UTRN: variants seen among roughly 807,000 people sequenced by gnomAD.
UTRN encodes utrophin.
A neutral mutation model predicts 463.9 loss-of-function variants in UTRN; 283 were observed. The observed-to-expected ratio is 0.61, with a 90% CI of 0.55 to 0.67. UTRN has a LOEUF of 0.67. UTRN is among the 30% of genes least tolerant of loss of function. The pLI is 0.00. For synonymous variants in UTRN, 1,442 were observed against 1,431.5 expected, an observed-to-expected ratio of 1.01 and a Z score of -0.17; for missense variants, 3,922 against 4,084.3, an observed-to-expected ratio of 0.96 and a Z score of 1.08.
chr6:144,335,293 G>A (rs1169094619), intron 2 of UTRN, among the ~76,000 whole-genome samples: 1 of 152,178 alleles, frequency 6.6e-6, no homozygotes, highest in Non-Finnish European at 1.5e-5. Context: ...CTTTGTTCTT[G>A]TCTTATTTCT....
At chr6:144,710,199 C>T (rs2128703189) in intron 53 of UTRN, among the ~76,000 whole-genome samples, 1 of 152,302 alleles carries the variant, frequency 6.6e-6, no homozygotes, top group Non-Finnish European at 1.5e-5. Flanking sequence ...TGCTTTAAAG[C>T]ATCTCCTATG....
chr6:144,359,980 G>T (rs1778902197), intron 2 of UTRN, among the ~76,000 whole-genome samples: 1 of 151,676 alleles, frequency 6.6e-6, no homozygotes, highest in South Asian at 2.1e-4. Context: ...TCCTGTAACA[G>T]AAATGATTGC....
intron 7 of UTRN, among the ~76,000 whole-genome samples, chr6:144,427,686 G>A (rs537642345): frequency 1.1e-4 from 17 of 152,218 alleles, no homozygotes; most frequent in African/African-American, 4.1e-4. Flanking sequence ...GTTAAAGGAG[G>A]TTGCCCTAGG....
chr6:144,550,212 G>A (rs1203888608), intron 47 of UTRN, among the ~76,000 whole-genome samples: 4 of 152,148 alleles, frequency 2.6e-5, no homozygotes, highest in Non-Finnish European at 5.9e-5. Flanking sequence ...ATGTGCCCTG[G>A]GATTTAGGAT....
At chr6:144,287,564 T>C (rs1170947873) in intron 1 of UTRN, among the ~76,000 whole-genome samples, 5 of 152,254 alleles carry the variant, frequency 3.3e-5, no homozygotes, top group African/African-American at 1.2e-4. Flanking sequence ...ATATGTGCTA[T>C]ATACATAAAA....
intron 2 of UTRN, among the ~76,000 whole-genome samples, chr6:144,326,407 G>A (rs1032987484): frequency 2.0e-5 from 3 of 152,088 alleles, no homozygotes; most frequent in African/African-American, 7.2e-5. Context: ...GGCCTGAGAA[G>A]CTTCATGGCT....
At chr6:144,473,613 C>A in intron 23 of UTRN, 107 bp from the exon 24 acceptor site, 1 of 646,264 alleles carries the variant, frequency 1.5e-6, no homozygotes, top group Non-Finnish European at 2.6e-6. Flanking sequence ...GAAAGCGATG[C>A]TATCGGAGCT....
At chr6:144,786,082 A>G (rs887789074) in intron 61 of UTRN, among the ~76,000 whole-genome samples, 2 of 152,186 alleles carry the variant, frequency 1.3e-5, no homozygotes, top group Non-Finnish European at 2.9e-5. Context: ...AGAGTTGCCT[A>G]TGAAAACTAT....
At chr6:144,522,843 G>A (rs1036829432) in intron 40 of UTRN, among the ~76,000 whole-genome samples, 173 bp from the exon 41 acceptor site, 8 of 150,596 alleles carry the variant, frequency 5.3e-5, no homozygotes, top group Middle Eastern at 6.9e-3. Context: ...ACACACTTTG[G>A]TTAAAACAGA....
intron 51 of UTRN, among the ~76,000 whole-genome samples, chr6:144,620,520 T>C (rs1383880897): frequency 1.3e-5 from 2 of 152,176 alleles, no homozygotes; most frequent in African/African-American, 2.4e-5. Context: ...GTTAAATTTC[T>C]GCCATCACTG....
chr6:144,689,165 C>T (rs889925698), intron 52 of UTRN, among the ~76,000 whole-genome samples: 2 of 152,144 alleles, frequency 1.3e-5, no homozygotes, highest in South Asian at 4.1e-4. Flanking sequence ...TAAGCCTGAA[C>T]CTGGAAGGTA....
chr6:144,545,162 C>T (rs1798290996), intron 46 of UTRN, among the ~76,000 whole-genome samples: 1 of 152,122 alleles, frequency 6.6e-6, no homozygotes, highest in South Asian at 2.1e-4. Flanking sequence ...TGTTCCATTC[C>T]ACCTACTTCC....
intron 3 of UTRN, among the ~76,000 whole-genome samples, chr6:144,404,941 A>G (rs979001524): frequency 1.3e-5 from 2 of 152,178 alleles, no homozygotes; most frequent in African/African-American, 4.8e-5. Context: ...TATAATGTCT[A>G]TTATTTTGCA....
intron 43 of UTRN, among the ~76,000 whole-genome samples, chr6:144,533,503 T>A (rs1797249251): frequency 6.6e-6 from 1 of 152,138 alleles, no homozygotes; most frequent in East Asian, 1.9e-4. Context: ...TATTTACAAC[T>A]GCTTATTATG....
chr6:144,566,831 GA>G (rs1434650688), intron 50 of UTRN, among the ~76,000 whole-genome samples: 2 of 152,102 alleles, frequency 1.3e-5, no homozygotes, highest in Non-Finnish European at 2.9e-5. Flanking sequence ...GGATCTGAGA[GA>G]AAAAGGAAAA....
At chr6:144,335,752 A>T (rs1776670275) in intron 2 of UTRN, among the ~76,000 whole-genome samples, 1 of 152,098 alleles carries the variant, frequency 6.6e-6, no homozygotes, top group South Asian at 2.1e-4. Flanking sequence ...TTGTGACTTG[A>T]ATTCTCTAGT....
Position 144,514,649 on chromosome 6 carries a change from G to A in UTRN, c.5074-1G>A, listed in dbSNP as rs769007656. 4.3e-6 allele frequency: 7 copies of A among 1,611,664 alleles called. No homozygotes were observed. Among genetic ancestry groups the A allele is most frequent in the Non-Finnish European group, 5.9e-6 (7 of 1,179,392 alleles). ...ATAATTTTGTGTTTTCTTATAATTA[G>A]CGTTTAGTATCTGAGCTGGATGATG... On this transcript the variant is annotated splice_acceptor_variant, in intron 36 of 74. Coordinates refer to ENST00000367545, the MANE Select transcript of UTRN (RefSeq NM_007124.3). LOFTEE classifies it high-confidence loss of function.
At chr6:144,303,988 G>A (rs73008888) in intron 2 of UTRN, among the ~76,000 whole-genome samples, 8,043 of 152,186 alleles carry the variant, frequency 0.053, 352 homozygotes, top group Non-Finnish European at 0.08. Context: ...TACATTTAGG[G>A]AATTCTTAAG....
intron 23 of UTRN, among the ~76,000 whole-genome samples, chr6:144,466,141 A>G (rs1484533429): frequency 6.6e-6 from 1 of 152,256 alleles, no homozygotes; most frequent in Non-Finnish European, 1.5e-5. Context: ...GTGGAAAGAA[A>G]TGATATTGGA....
Sources: allele counts gnomAD v4.1 joint callset (sites outside exome capture counted in the v4.1 genomes callset), GRCh38; gene constraint gnomAD v4.1.1; transcripts MANE v1.5; gene names NCBI Gene and HGNC (gene_info 2026-07-23, HGNC 2026-07-21).